Variants in STXBP5 observed in about 807,000 individuals in gnomAD.
STXBP5 encodes syntaxin binding protein 5.
A neutral mutation model predicts 152.4 loss-of-function variants in STXBP5; 50 were observed. The ratio of observed to expected loss-of-function variants is 0.33; its 90% CI spans 0.26 to 0.42. The LOEUF is 0.42. Ranked by LOEUF, STXBP5 falls within the 10% of genes least tolerant of loss-of-function variation. The pLI, the probability that STXBP5 is intolerant of heterozygous loss-of-function variation, is 1.00. For missense variants in STXBP5, 1,167 were observed against 1,388.6 expected (o/e 0.84, Z 2.54); for synonymous variants, 492 against 494.7 (o/e 0.99, Z 0.07).
chr6:147,366,869 G>T lies in STXBP5; in HGVS notation c.3081+2703G>T, dbSNP rs1785313489. 3.3e-5 allele frequency among the ~76,000 whole-genome samples: 5 copies of T among 152,310 alleles called. No homozygotes were observed. In the South Asian group the frequency reaches 1.0e-3, roughly 32 times the overall value. ...GGATGAAAATGTTTTCTGTCAGAAT[G>T]AAATTCAAGAAAACTTAAAGGAAAT... On this transcript the variant is annotated intron_variant, in intron 25 of 27. Coordinates refer to ENST00000321680, the MANE Select transcript of STXBP5 (RefSeq NM_001127715.4).
At chr6:147,290,671 A>AT (rs762561850) in intron 8 of STXBP5, among the ~76,000 whole-genome samples, 1 of 152,214 alleles carries the variant, frequency 6.6e-6, no homozygotes, top group Non-Finnish European at 1.5e-5. Context: ...AATATAAATG[A>AT]TTTTATTAGC....
chr6:147,319,828 CTTTTTTTTTTTTTTTTTTT>C (rs55948948), intron 16 of STXBP5, among the ~76,000 whole-genome samples: 1 of 71,598 alleles, frequency 1.4e-5, no homozygotes, highest in Non-Finnish European at 2.5e-5. Flanking sequence ...TATCTGGATT[CTTTTTTTTTTTTTTTTTTT>C]TTTTTTTTTA....
chr6:147,236,778 CT>C (rs796882567), intron 3 of STXBP5, among the ~76,000 whole-genome samples: 1,516 of 135,850 alleles, frequency 0.011, 20 homozygotes, highest in African/African-American at 0.035. Context: ...CCTGTTCTGT[CT>C]TTTTTTTTTT....
chr6:147,283,739 C>G (rs950285016), intron 8 of STXBP5, among the ~76,000 whole-genome samples: 5 of 152,150 alleles, frequency 3.3e-5, no homozygotes, highest in Non-Finnish European at 5.9e-5. Context: ...AGTTTTGGGC[C>G]TTAAACAACA....
At chr6:147,302,108 A>G (rs1258337665) in intron 9 of STXBP5, among the ~76,000 whole-genome samples, 1 of 152,142 alleles carries the variant, frequency 6.6e-6, no homozygotes, top group Non-Finnish European at 1.5e-5. Context: ...TTTCTAGGCT[A>G]TTCCCTATAT....
intron 2 of STXBP5, among the ~76,000 whole-genome samples, chr6:147,221,221 C>T (rs1777444022): frequency 6.6e-6 from 1 of 151,976 alleles, no homozygotes; most frequent in African/African-American, 2.4e-5. Context: ...TCATTGCTGT[C>T]ATTCATTTCA....
intron 5 of STXBP5, 131 bp downstream of exon 5, chr6:147,260,880 T>G: frequency 2.5e-6 from 3 of 1,181,002 alleles, no homozygotes; most frequent in Non-Finnish European, 3.4e-6. Flanking sequence ...TAAGTACAGA[T>G]TTATTAGTTT....
chr6:147,327,801 A>G (rs1323980524), intron 18 of STXBP5, among the ~76,000 whole-genome samples: 1 of 152,218 alleles, frequency 6.6e-6, no homozygotes, highest in African/African-American at 2.4e-5. Context: ...CACGGGATCA[A>G]ACTTTTCAGC....
At position 147,325,177 on chromosome 6, in the gene STXBP5, C is replaced by T. The variant is rs1783184778; in HGVS notation, c.1928+93C>T. 9 of 1,202,728 alleles carry T rather than the reference C, an allele frequency of 7.5e-6. No homozygotes were observed. The South Asian group carries it at 9.6e-5, about 13-fold the overall frequency. 74.5% of individuals were successfully genotyped at this position (1,202,728 alleles called of 1,614,324 possible). A position where few individuals can be genotyped will look rare whatever the true frequency, so the allele number is the denominator to read the frequency against. ...ATAGAAAGGATGGTCTTTGTTATAT[C>T]GTCACCTAAAATGGCATTCTACAAT... On this transcript the variant is annotated intron_variant, in intron 17 of 27. Coordinates refer to ENST00000321680, the MANE Select transcript of STXBP5 (RefSeq NM_001127715.4).
chr6:147,386,986 A>T lies in STXBP5; in HGVS notation c.*2231A>T, dbSNP rs1035335149. ...GAACTAATCTTGTAATTATTTTCAA[A>T]TATAGAAGTATATACATTAGATGGA... On this transcript the variant is annotated 3_prime_UTR_variant, in exon 28 of 28. Coordinates refer to ENST00000321680, the MANE Select transcript of STXBP5 (RefSeq NM_001127715.4). 6.6e-6 allele frequency: 1 copy of T among 151,816 alleles called. No individual in the cohort carries two copies. Among genetic ancestry groups the T allele is most frequent in the African/African-American group, 2.4e-5 (1 of 41,430 alleles). 9.4% of individuals were successfully genotyped at this position (151,816 alleles called of 1,614,324 possible).
intron 9 of STXBP5, among the ~76,000 whole-genome samples, chr6:147,296,906 C>G (rs1188302999): frequency 1.3e-5 from 2 of 151,920 alleles, no homozygotes; most frequent in African/African-American, 4.8e-5. Context: ...TTGAAATAAT[C>G]CAGCCAGAGG....
chr6:147,319,885 A>G (rs1210774457), intron 16 of STXBP5, among the ~76,000 whole-genome samples: 1 of 123,826 alleles, frequency 8.1e-6, no homozygotes, highest in East Asian at 2.4e-4. Flanking sequence ...TCTGTTGCCC[A>G]TGCTGGAGTA....
At chr6:147,266,000 G>A (rs1381918350) in intron 6 of STXBP5, among the ~76,000 whole-genome samples, 5 of 152,016 alleles carry the variant, frequency 3.3e-5, no homozygotes, top group African/African-American at 7.2e-5. Context: ...CAGAGGAAAC[G>A]ATCACTAAAA....
intron 2 of STXBP5, among the ~76,000 whole-genome samples, chr6:147,232,927 T>C (rs1778075321): frequency 6.6e-6 from 1 of 151,710 alleles, no homozygotes. Flanking sequence ...TCATTCTCTT[T>C]GGAGAAAACA....
At chr6:147,340,243 A>G (rs1468941089) in intron 21 of STXBP5, among the ~76,000 whole-genome samples, 6 of 152,048 alleles carry the variant, frequency 3.9e-5, no homozygotes, top group South Asian at 2.1e-4. Context: ...CTCAACTGAT[A>G]ATGTTTTAGA....
At chr6:147,255,157 T>C (rs748201736) in intron 4 of STXBP5, among the ~76,000 whole-genome samples, 1 of 152,230 alleles carries the variant, frequency 6.6e-6, no homozygotes, top group Non-Finnish European at 1.5e-5. Context: ...TGAGATCATG[T>C]CCTTTGCAGG....
At chr6:147,215,281 T>A (rs1042923462) in intron 2 of STXBP5, among the ~76,000 whole-genome samples, 1 of 152,256 alleles carries the variant, frequency 6.6e-6, no homozygotes. Context: ...CAGTAAGAAA[T>A]ACATTTTTAA....
At chr6:147,257,241 AC>A (rs1779415355) in intron 4 of STXBP5, among the ~76,000 whole-genome samples, 1 of 151,222 alleles carries the variant, frequency 6.6e-6, no homozygotes, top group African/African-American at 2.4e-5. Flanking sequence ...AGGGGATTCA[AC>A]TTCATTATCT....
chr6:147,299,676 C>G, intron 9 of STXBP5, among the ~76,000 whole-genome samples: 1 of 151,902 alleles, frequency 6.6e-6, no homozygotes, highest in East Asian at 1.9e-4. Context: ...AACATAGATG[C>G]AAAATTTTTT....
Sources: gnomAD v4.1 joint callset for allele counts (sites outside exome capture counted in the v4.1 genomes callset) on GRCh38, gnomAD v4.1.1 for gene constraint, MANE v1.5 for transcripts, NCBI Gene and HGNC (gene_info 2026-07-23, HGNC 2026-07-21) for gene names.